Variants in ABR observed in about 807,000 individuals in gnomAD.
ABR encodes active breakpoint cluster region-related protein.
Under a neutral mutation model 107.2 loss-of-function variants are expected in ABR, and 35 were observed. That is an observed-to-expected ratio of 0.33 (90% CI 0.25 to 0.43). The LOEUF is 0.43. Ranked by LOEUF, ABR falls within the 20% of genes least tolerant of loss-of-function variation. The pLI, the probability that ABR is intolerant of heterozygous loss-of-function variation, is 1.00. For synonymous variants in ABR, 498 were observed against 462.0 expected, an observed-to-expected ratio of 1.08 and a Z score of -1.00; for missense variants, 815 against 1,115.2, an observed-to-expected ratio of 0.73 and a Z score of 3.83.
At position 1,078,115 on chromosome 17, in the gene ABR, G is replaced by T. The variant is rs1379008683; in HGVS notation, c.700+1215C>A. 6.6e-6 allele frequency among the ~76,000 whole-genome samples: 1 copy of T among 152,076 alleles called. No individual in the cohort carries two copies. Among genetic ancestry groups the T allele is most frequent in the Admixed American group, 6.5e-5 (1 of 15,272 alleles). The stretch of plus-strand genomic sequence containing the variant: ...TTCCACCGAAAGGTGGTGTGTGTGT[G>T]TGTGTGTGTGTGTGTGACCTTCACA... On this transcript the variant is annotated intron_variant, in intron 6 of 22. Coordinates refer to ENST00000302538, the MANE Select transcript of ABR (RefSeq NM_021962.5). This position sits in a 1 kb window ranked among gnomAD's most constrained non-coding sequence, Gnocchi z 7.5.
rs377431464 is a variant in ABR at position 1,068,890 on chromosome 17, G to A, written c.1016+1079C>T. Among the ~76,000 whole-genome samples the A allele has an allele frequency of 1.8e-4, 28 of 152,314 alleles. No homozygotes were observed. In the East Asian group the frequency reaches 5.0e-3, roughly 27 times the overall value. ...CAGTCGCTACTTTGTGGAGGTGTTG[G>A]GAGGACTAGAAATCATGTATTCAAA... On this transcript the variant is annotated intron_variant, in intron 9 of 22. Transcript: ENST00000302538.
chr17:1,190,821 C>T (rs528002723), upstream of ABR, among the ~76,000 whole-genome samples: 2 of 152,358 alleles, frequency 1.3e-5, no homozygotes, highest in Non-Finnish European at 2.9e-5. Flanking sequence ...CACGGCGCTG[C>T]AGGCGAAGCT....
intron 1 of ABR, among the ~76,000 whole-genome samples, chr17:1,136,228 G>T (rs12940054): frequency 0.44 from 67,330 of 151,756 alleles, 15,301 homozygotes; most frequent in East Asian, 0.56. Flanking sequence ...TGTTTTGTTT[G>T]GTTTTGTTGT....
chr17:1,019,446 C>CCTGCTGCAGGTGTGGCCCTGGTAT (rs1291249083), intron 16 of ABR, among the ~76,000 whole-genome samples: 1 of 151,686 alleles, frequency 6.6e-6, no homozygotes, highest in African/African-American at 2.4e-5. Flanking sequence ...CTTCCTGGTG[C>CCTGCTGCAGGTGTGGCCCTGGTAT]CTGCTGCAGG....
At chr17:1,205,697 C>T (rs1020787557) in intron 1 of ABR, among the ~76,000 whole-genome samples, 1 of 152,246 alleles carries the variant, frequency 6.6e-6, no homozygotes, top group Non-Finnish European at 1.5e-5. Flanking sequence ...GTAATCCCAG[C>T]ACTCTGGGAG....
At chr17:1,203,369 TG>T (rs1317913437) in intron 1 of ABR, among the ~76,000 whole-genome samples, 3 of 29,892 alleles carry the variant, frequency 1.0e-4, no homozygotes, top group Admixed American at 3.9e-4. Context: ...CGGTCCCCCG[TG>T]GGGGCGGGGC....
chr17:1,069,330 G>A (rs1304503986), intron 9 of ABR, among the ~76,000 whole-genome samples: 1 of 152,110 alleles, frequency 6.6e-6, no homozygotes, highest in Admixed American at 6.6e-5. Flanking sequence ...CAGGAAAAAA[G>A]GCTATGTAGT....
At chr17:1,080,667 G>A (rs138672022) in intron 5 of ABR, among the ~76,000 whole-genome samples, 20 of 149,510 alleles carry the variant, frequency 1.3e-4, no homozygotes, top group African/African-American at 4.4e-4. Context: ...GGGAGGAAGC[G>A]CTCAGACAGC....
chr17:1,094,049 C>T (rs918302625), intron 3 of ABR, among the ~76,000 whole-genome samples: 9 of 151,564 alleles, frequency 5.9e-5, no homozygotes, highest in Non-Finnish European at 4.4e-5. Flanking sequence ...CCTCGGTGTC[C>T]GGTCAGGCCC....
rs779770148 is a variant in ABR at position 1,009,702 on chromosome 17, G to A, written c.2319C>T (p.Leu773=). 1 of 1,613,932 alleles carries A rather than the reference G, an allele frequency of 6.2e-7. No individual in the cohort carries two copies. Among genetic ancestry groups the A allele is most frequent in the Non-Finnish European group, 8.5e-7 (1 of 1,179,824 alleles). ...ACCTTTTCAAGTGTTCCAGCAGGAAGAGGAAGGTGATGAGGTTGGGGTCGG... is the reference window on the plus strand; with the variant it reads ...ACCTTTTCAAGTGTTCCAGCAGGAAAAGGAAGGTGATGAGGTTGGGGTCGG... ...SLPDPNLITF[L]FLLEHLKRVA... The change falls in exon 21 of 23, where the codon CTC becomes CTT. Residue 773 remains leucine, a synonymous_variant. Coordinates refer to ENST00000302538, the MANE Select transcript of ABR (RefSeq NM_021962.5).
intron 2 of ABR, among the ~76,000 whole-genome samples, chr17:1,102,563 TATA>T (rs1423791400): frequency 6.6e-6 from 1 of 152,204 alleles, no homozygotes; most frequent in Non-Finnish European, 1.5e-5. Context: ...AAGAAAAATA[TATA>T]ATGTTTTAAG....
intron 1 of ABR, among the ~76,000 whole-genome samples, chr17:1,209,277 G>T (rs146268284): frequency 1.3e-5 from 2 of 150,634 alleles, no homozygotes; most frequent in Admixed American, 1.3e-4. Flanking sequence ...TAACCTGTTT[G>T]TTTCTTTCTT....
chr17:1,197,974 G>A (rs1049756364), intron 1 of ABR, among the ~76,000 whole-genome samples: 1 of 151,744 alleles, frequency 6.6e-6, no homozygotes, highest in African/African-American at 2.4e-5. Flanking sequence ...GAACACTGCC[G>A]CTGCTGCTGC....
intron 1 of ABR, among the ~76,000 whole-genome samples, chr17:1,202,330 A>G (rs1363833142): frequency 2.6e-5 from 4 of 152,202 alleles, no homozygotes; most frequent in Admixed American, 2.6e-4. Flanking sequence ...ACCTGGCCCA[A>G]GAACCTCTTT....
At position 1,071,670 on chromosome 17, in the gene ABR, C is replaced by T. The variant is rs556966359; in HGVS notation, c.894+944G>A. 5.9e-5 allele frequency among the ~76,000 whole-genome samples: 9 copies of T among 152,342 alleles called. No individual in the cohort carries two copies. In the South Asian group the frequency reaches 6.2e-4, roughly 11 times the overall value. ...CCCGCAAGCCACTGCGTGTGCAGGCCGAGCTGAAGCAGCTCCAAGCTCCTG... is the reference window on the plus strand; with the variant it reads ...CCCGCAAGCCACTGCGTGTGCAGGCTGAGCTGAAGCAGCTCCAAGCTCCTG... On this transcript the variant is annotated intron_variant, in intron 8 of 22. Transcript: ENST00000302538. The surrounding 1 kb of genome is among the most constrained non-coding windows in gnomAD (Gnocchi z 5.1).
intron 2 of ABR, among the ~76,000 whole-genome samples, chr17:1,117,990 T>A (rs1333817259): frequency 1.8e-5 from 1 of 54,094 alleles, no homozygotes; most frequent in Non-Finnish European, 3.9e-5. Context: ...CCTGAGTTCC[T>A]CCCAGCGTTA....
rs1001699008 is a variant in ABR, at chr17:1,123,821, G to C, written c.246+1362C>G. On this transcript the variant is annotated intron_variant, in intron 2 of 22. Coordinates refer to ENST00000302538, the MANE Select transcript of ABR (RefSeq NM_021962.5). Reference sequence around the variant, plus strand: ...CCTGAACACCTGCTCTGCCTCCTTGGGTTACTATTTGTACCCTGAGCCCAA... The same window carrying C: ...CCTGAACACCTGCTCTGCCTCCTTGCGTTACTATTTGTACCCTGAGCCCAA... Among the ~76,000 whole-genome samples the C allele has an allele frequency of 2.6e-5, 4 of 152,110 alleles. No individual in the cohort carries two copies. In the East Asian group the frequency reaches 7.7e-4, roughly 29 times the overall value.
chr17:1,012,617 G>T, intron 18 of ABR, 71 bp downstream of exon 18: 1 of 1,178,814 alleles, frequency 8.5e-7, no homozygotes, highest in Admixed American at 2.0e-5. Flanking sequence ...GGCGGGGAGG[G>T]CTGGGGGGCC....
chr17:1,114,084 T>C (rs534484530), intron 2 of ABR, among the ~76,000 whole-genome samples: 14 of 151,694 alleles, frequency 9.2e-5, no homozygotes, highest in African/African-American at 3.4e-4. Flanking sequence ...GGCAGGAGGA[T>C]TGCTTGGGTC....
Sources: allele counts gnomAD v4.1 joint callset (sites outside exome capture counted in the v4.1 genomes callset), GRCh38; gene constraint gnomAD v4.1.1; non-coding constraint Gnocchi (gnomAD v3.1); transcripts MANE v1.5; gene names NCBI Gene and HGNC (gene_info 2026-07-23, HGNC 2026-07-21).